Variants in NRCAM observed in about 807,000 individuals in gnomAD.
NRCAM encodes the protein NgCAM-related cell adhesion molecule.
In NRCAM, 83 loss-of-function variants were observed where a neutral mutation model predicts 156.5. That is an observed-to-expected ratio of 0.53 (90% CI 0.44 to 0.64). NRCAM has a LOEUF of 0.64. Ranked by LOEUF, NRCAM falls within the 30% of genes least tolerant of loss-of-function variation. The pLI is 0.00. For missense variants in NRCAM, 1,417 were observed against 1,597.3 expected (o/e 0.89, Z 1.92); for synonymous variants, 538 against 563.9 (o/e 0.95, Z 0.65).
At chr7:108,408,346 A>G (rs1408382285) in intron 1 of NRCAM, among the ~76,000 whole-genome samples, 1 of 152,250 alleles carries the variant, frequency 6.6e-6, no homozygotes, top group Non-Finnish European at 1.5e-5. Context: ...AGGAAGAACT[A>G]AACGGAGAAA....
chr7:108,225,225 T>C (rs2093236798), intron 10 of NRCAM, among the ~76,000 whole-genome samples: 1 of 152,202 alleles, frequency 6.6e-6, no homozygotes, highest in African/African-American at 2.4e-5. Context: ...AGTGTGATGA[T>C]TTACTATGAA....
intron 3 of NRCAM, among the ~76,000 whole-genome samples, chr7:108,307,479 G>T (rs746169471): frequency 6.6e-6 from 1 of 152,130 alleles, no homozygotes; most frequent in African/African-American, 2.4e-5. Context: ...ATTCTCTCCT[G>T]TATTCGTGGT....
chr7:108,305,445 G>A (rs1248015361), intron 3 of NRCAM, among the ~76,000 whole-genome samples: 2 of 151,854 alleles, frequency 1.3e-5, no homozygotes, highest in Non-Finnish European at 2.9e-5. Context: ...TTTGCCCCAG[G>A]GAACGAAGCC....
chr7:108,420,790 C>A (rs1265377086), intron 1 of NRCAM, among the ~76,000 whole-genome samples: 1 of 152,172 alleles, frequency 6.6e-6, no homozygotes, highest in Non-Finnish European at 1.5e-5. Context: ...ATGGCTCATG[C>A]CCTTACTTTT....
At chr7:108,168,544 T>C (rs1328079592) in intron 28 of NRCAM, 142 bp from the exon 29 acceptor site, 10 of 701,408 alleles carry the variant, frequency 1.4e-5, no homozygotes, top group Non-Finnish European at 1.8e-5. Context: ...CACTCATGCT[T>C]TGCTTTCATT....
intron 1 of NRCAM, among the ~76,000 whole-genome samples, chr7:108,400,537 C>T (rs184030899): frequency 1.4e-3 from 213 of 152,258 alleles, no homozygotes; most frequent in Non-Finnish European, 2.7e-3. Flanking sequence ...TGGAATGGCA[C>T]GCAACTGTCA....
chr7:108,289,524 ATC>A (rs2154115960), intron 3 of NRCAM, among the ~76,000 whole-genome samples: 1 of 152,232 alleles, frequency 6.6e-6, no homozygotes, highest in South Asian at 2.1e-4. Context: ...TTTGACTAAC[ATC>A]TGTTTATAAG....
At chr7:108,365,221 C>A (rs1162263520) in intron 2 of NRCAM, among the ~76,000 whole-genome samples, 2 of 152,044 alleles carry the variant, frequency 1.3e-5, no homozygotes, top group Non-Finnish European at 2.9e-5. Flanking sequence ...TTATTACCTA[C>A]AGTTTAAAGA....
At chr7:108,163,718 A>G (rs1041838665) in intron 30 of NRCAM, among the ~76,000 whole-genome samples, 5 of 151,460 alleles carry the variant, frequency 3.3e-5, no homozygotes, top group African/African-American at 1.2e-4. Context: ...GGGTGGCACT[A>G]AAGAGAGGTC....
intron 2 of NRCAM, among the ~76,000 whole-genome samples, chr7:108,372,349 G>A (rs2099633699): frequency 2.3e-5 from 3 of 128,412 alleles, no homozygotes; most frequent in African/African-American, 6.0e-5. Flanking sequence ...AGAATAAGTG[G>A]GACTATATCA....
In NRCAM at chr7:108,149,112, GT is replaced by G. The variant is rs1014529268; in HGVS notation, c.*797del. Reference sequence around the variant, plus strand: ...CTTGCCCTGTGTTCTCTGAAATAATGTTTGAAATTTAATTTGGATGATTTGT... The same window carrying G: ...CTTGCCCTGTGTTCTCTGAAATAATGTTGAAATTTAATTTGGATGATTTGT... On this transcript the variant is annotated 3_prime_UTR_variant, in exon 33 of 33. Transcript: ENST00000379028. 19 of 152,726 alleles carry G rather than the reference GT, an allele frequency of 1.2e-4. No homozygotes were observed. Among genetic ancestry groups the G allele is most frequent in the African/African-American group, 4.3e-4 (18 of 41,576 alleles). The allele number at this position is 152,726 out of a possible 1,614,324, so 9.5% of individuals were successfully genotyped here.
intron 15 of NRCAM, among the ~76,000 whole-genome samples, chr7:108,195,136 C>T (rs892435184): frequency 3.3e-5 from 5 of 152,128 alleles, no homozygotes; most frequent in African/African-American, 1.2e-4. Flanking sequence ...CTAGTCCCTC[C>T]AGCCACTACT....
intron 3 of NRCAM, among the ~76,000 whole-genome samples, chr7:108,301,883 A>T (rs2098626511): frequency 6.6e-6 from 1 of 152,108 alleles, no homozygotes; most frequent in Non-Finnish European, 1.5e-5. Context: ...TCACTTTAGG[A>T]CACTATTTCT....
chr7:108,167,575 A>C (rs1213573079), intron 29 of NRCAM, among the ~76,000 whole-genome samples: 1 of 152,216 alleles, frequency 6.6e-6, no homozygotes. Flanking sequence ...TCATTTCTAA[A>C]AACATTTACT....
intron 2 of NRCAM, among the ~76,000 whole-genome samples, chr7:108,323,621 T>C (rs923575367): frequency 2.0e-5 from 3 of 152,334 alleles, no homozygotes; most frequent in South Asian, 4.1e-4. Context: ...GTACTTAGTA[T>C]GTACCAGACA....
intron 12 of NRCAM, 65 bp downstream of exon 12, chr7:108,209,356 C>T (rs551502148): frequency 2.7e-6 from 3 of 1,125,814 alleles, no homozygotes; most frequent in African/African-American, 3.2e-5. Context: ...GTAATGAAAA[C>T]CACATTTAAT....
rs187364786 is a variant in NRCAM at position 108,434,191 on chromosome 7, C to T, written c.-332+22052G>A. Among the ~76,000 whole-genome samples the T allele has an allele frequency of 2.5e-3, 385 of 152,274 alleles. 2 individuals carry two copies. Among genetic ancestry groups the T allele is most frequent in the Non-Finnish European group, 4.2e-3 (289 of 68,028 alleles). ...GCTTCCATCCCACAACCCCCATCCCCGGCTCTGTCATTAGGTAATTCACTC... is the reference window on the plus strand; with the variant it reads ...GCTTCCATCCCACAACCCCCATCCCTGGCTCTGTCATTAGGTAATTCACTC... On this transcript the variant is annotated intron_variant, in intron 1 of 32. Coordinates refer to ENST00000379028, the MANE Select transcript of NRCAM (RefSeq NM_001037132.4).
intron 15 of NRCAM, among the ~76,000 whole-genome samples, chr7:108,195,239 A>G (rs1461486182): frequency 1.3e-5 from 2 of 152,074 alleles, no homozygotes; most frequent in Non-Finnish European, 2.9e-5. Flanking sequence ...TGCTTGATAG[A>G]GTGTGCTGCT....
chr7:108,196,397 A>C (rs933883241), intron 14 of NRCAM, among the ~76,000 whole-genome samples: 2 of 152,230 alleles, frequency 1.3e-5, no homozygotes, highest in Non-Finnish European at 2.9e-5. Flanking sequence ...TGAAGAAACA[A>C]CCTATGGAAG....
Sources: gnomAD v4.1 joint callset for allele counts (sites outside exome capture counted in the v4.1 genomes callset) on GRCh38, gnomAD v4.1.1 for gene constraint, MANE v1.5 for transcripts, NCBI Gene and HGNC (gene_info 2026-07-23, HGNC 2026-07-21) for gene names.